Variants in CHN2 observed in about 807,000 individuals in gnomAD.
CHN2 encodes beta-chimaerin.
A neutral mutation model predicts 56.3 loss-of-function variants in CHN2; 35 were observed. The ratio of observed to expected loss-of-function variants is 0.62; its 90% CI spans 0.47 to 0.82. CHN2 has a LOEUF of 0.82. Among genes scored for constraint, CHN2 ranks in the 40% least tolerant of loss-of-function variants. CHN2 has a pLI of 0.00. For missense variants in CHN2, 491 were observed against 580.5 expected (o/e 0.85, Z 1.58); for synonymous variants, 210 against 212.8 (o/e 0.99, Z 0.12).
At chr7:29,460,394 G>A (rs958750867) in intron 6 of CHN2, among the ~76,000 whole-genome samples, 19 of 152,316 alleles carry the variant, frequency 1.2e-4, no homozygotes, top group African/African-American at 3.8e-4. Context: ...CCCTGGATTC[G>A]TGCCTCCCTA....
At chr7:29,413,164 ACTTTGTTC>A (rs1394845183) in intron 6 of CHN2, among the ~76,000 whole-genome samples, 3 of 152,224 alleles carry the variant, frequency 2.0e-5, no homozygotes, top group Non-Finnish European at 4.4e-5. Context: ...TTAATATTTC[ACTTTGTTC>A]CTAAGTCCCC....
intron 6 of CHN2, among the ~76,000 whole-genome samples, chr7:29,454,989 C>T (rs1784649404): frequency 6.6e-6 from 1 of 152,114 alleles, no homozygotes; most frequent in South Asian, 2.1e-4. Context: ...TTTTATGGAT[C>T]CTTTTAGAGG....
intron 1 of CHN2, among the ~76,000 whole-genome samples, chr7:29,244,814 G>A (rs1749019539): frequency 6.6e-6 from 1 of 152,156 alleles, no homozygotes; most frequent in African/African-American, 2.4e-5. Flanking sequence ...TTTTAAGGAG[G>A]CGTGAACTCT....
intron 1 of CHN2, among the ~76,000 whole-genome samples, chr7:29,270,576 A>C (rs564256467): frequency 1.3e-5 from 2 of 152,018 alleles, no homozygotes; most frequent in South Asian, 2.1e-4. Flanking sequence ...AGGCACGAGA[A>C]TCACTTGAAC....
rs1785084117 is a variant in CHN2, at chr7:29,213,166, T to C, written c.49+18176T>C. On this transcript the variant is annotated intron_variant, in intron 1 of 12. Coordinates refer to ENST00000222792, the MANE Select transcript of CHN2 (RefSeq NM_004067.4). ...AGGTATTTTAGTACTCCACAAACCA[T>C]GGATTTATTCCTAAACTACTCCACG... The C allele has an allele frequency of 2.1e-6, 3 of 1,451,406 alleles. No homozygotes were observed. The South Asian group carries it at 3.4e-5, about 16-fold the overall frequency. 89.9% of individuals were successfully genotyped at this position (1,451,406 alleles called of 1,614,324 possible).
At chr7:29,419,812 A>G (rs974095824) in intron 6 of CHN2, among the ~76,000 whole-genome samples, 4 of 152,162 alleles carry the variant, frequency 2.6e-5, no homozygotes, top group African/African-American at 9.7e-5. Context: ...GGCCGGGTGC[A>G]GTGGCTCATG....
chr7:29,252,611 C>T (rs1337422092), intron 1 of CHN2, among the ~76,000 whole-genome samples: 1 of 2,394 alleles, frequency 4.2e-4, no homozygotes, highest in African/African-American at 1.9e-3. Context: ...TTTTTTGAGA[C>T]GGAGTCTCGC....
intron 1 of CHN2, among the ~76,000 whole-genome samples, chr7:29,314,871 A>T (rs1302074574): frequency 2.7e-5 from 4 of 150,500 alleles, no homozygotes; most frequent in East Asian, 1.9e-4. Context: ...TATTTGTTTT[A>T]TATATATATA....
At chr7:29,216,735 A>T (rs1785373382) in intron 1 of CHN2, among the ~76,000 whole-genome samples, 1 of 152,222 alleles carries the variant, frequency 6.6e-6, no homozygotes, top group African/African-American at 2.4e-5. Flanking sequence ...TTCTTCTATA[A>T]AGGTAAAATA....
chr7:29,153,863 C>T (rs1256054662), intron 2 of CHN2, among the ~76,000 whole-genome samples: 1 of 152,182 alleles, frequency 6.6e-6, no homozygotes, highest in Non-Finnish European at 1.5e-5. Flanking sequence ...AGCCACCGCA[C>T]CTGGCCTCCC....
intron 2 of CHN2, among the ~76,000 whole-genome samples, chr7:29,188,139 G>T (rs1441762970): frequency 6.6e-6 from 1 of 152,220 alleles, no homozygotes; most frequent in African/African-American, 2.4e-5. Flanking sequence ...GCAGATGTGA[G>T]CACGCTATAC....
chr7:29,341,612 G>A (rs1797058619), intron 1 of CHN2, among the ~76,000 whole-genome samples: 1 of 151,908 alleles, frequency 6.6e-6, no homozygotes, highest in Non-Finnish European at 1.5e-5. Context: ...AAGGATGGGA[G>A]GGAGAGAGGG....
At chr7:29,481,634 A>T (rs1378266661) in intron 7 of CHN2, among the ~76,000 whole-genome samples, 1 of 147,962 alleles carries the variant, frequency 6.8e-6, no homozygotes, top group East Asian at 2.0e-4. Flanking sequence ...TGACAGGTCT[A>T]ATTTGGAGCA....
At chr7:29,194,742 C>T (rs375783874), upstream of CHN2, 1 of 451,854 alleles carries the variant, frequency 2.2e-6, no homozygotes, top group Middle Eastern at 5.9e-4. Flanking sequence ...ACGGAAACCA[C>T]AAATAAATAG....
intron 6 of CHN2, among the ~76,000 whole-genome samples, chr7:29,424,441 C>T (rs1373293194): frequency 6.6e-6 from 1 of 152,154 alleles, no homozygotes; most frequent in African/African-American, 2.4e-5. Flanking sequence ...TTTGCTTTCA[C>T]TTCCCCTGTC....
At chr7:29,214,811 T>C (rs1012323543) in intron 1 of CHN2, among the ~76,000 whole-genome samples, 3 of 152,230 alleles carry the variant, frequency 2.0e-5, no homozygotes, top group African/African-American at 7.2e-5. Context: ...TCCTGAACCT[T>C]ATTTTTCTCA....
At position 29,194,919 on chromosome 7, in the gene CHN2, A is replaced by G; in HGVS notation, c.-23A>G. 6.5e-7 allele frequency: 1 copy of G among 1,547,768 alleles called. No individual in the cohort carries two copies. Among genetic ancestry groups the G allele is most frequent in the Non-Finnish European group, 8.7e-7 (1 of 1,151,940 alleles). ...GCGTCCGCACCGGGGCTGAGCGAGC[A>G]GCGACGCGAGGGGCGCGCGGAGATG... On this transcript the variant is annotated 5_prime_UTR_variant, in exon 1 of 13. Coordinates refer to ENST00000222792, the MANE Select transcript of CHN2 (RefSeq NM_004067.4).
intron 6 of CHN2, among the ~76,000 whole-genome samples, chr7:29,423,744 C>A (rs1180308196): frequency 2.0e-5 from 3 of 152,222 alleles, no homozygotes; most frequent in Non-Finnish European, 2.9e-5. Flanking sequence ...CAGGGATTCC[C>A]TCTCCCCACT....
intron 2 of CHN2, among the ~76,000 whole-genome samples, chr7:29,359,249 A>T (rs1798548111): frequency 1.3e-5 from 2 of 152,216 alleles, no homozygotes; most frequent in African/African-American, 4.8e-5. Flanking sequence ...TGATTGGAAA[A>T]TTTGGAGTAA....
Sources: allele counts gnomAD v4.1 joint callset (sites outside exome capture counted in the v4.1 genomes callset), GRCh38; gene constraint gnomAD v4.1.1; transcripts MANE v1.5; gene names NCBI Gene and HGNC (gene_info 2026-07-23, HGNC 2026-07-21).